Variants in ZFHX3 observed in about 807,000 individuals in gnomAD.
ZFHX3 encodes the protein zinc finger homeobox 3, also known as zinc finger homeobox protein 3.
Under a neutral mutation model 279.1 loss-of-function variants are expected in ZFHX3, and 42 were observed. The observed-to-expected ratio is 0.15, with a 90% CI of 0.12 to 0.19. The LOEUF (loss-of-function observed/expected upper bound fraction) is 0.19, where lower values mean the gene tolerates loss of function less well. ZFHX3 is among the 10% of genes least tolerant of loss of function. ZFHX3 has a pLI of 1.00. For synonymous variants in ZFHX3, 2,293 were observed against 1,957.8 expected, an observed-to-expected ratio of 1.17 and a Z score of -4.52; for missense variants, 4,981 against 4,754.0, an observed-to-expected ratio of 1.05 and a Z score of -1.40.
At chr16:73,064,769 C>CAGAT (rs1205831583) in intron 8 of ZFHX3, among the ~76,000 whole-genome samples, 1 of 152,168 alleles carries the variant, frequency 6.6e-6, no homozygotes. Flanking sequence ...GGGTTTGAGT[C>CAGAT]AGATTCCCAG....
rs1283232639 is a variant in ZFHX3 at position 73,585,065 on chromosome 16, T to C, written c.-1547+95115A>G. Among the ~76,000 whole-genome samples the C allele has an allele frequency of 2.0e-5, 3 of 152,208 alleles. No individual in the cohort carries two copies. The East Asian group carries it at 5.8e-4, about 29-fold the overall frequency. On this transcript the variant is annotated intron_variant, in intron 2 of 17. Transcript: ENST00000641206. ...AGTCAGAATGGCAATTATTAAAAAG[T>C]CAAGAAACAACAGCTGCTGGTGAGA...
chr16:73,411,145 C>T (rs1251277223), intron 3 of ZFHX3, among the ~76,000 whole-genome samples: 1 of 152,132 alleles, frequency 6.6e-6, no homozygotes, highest in East Asian at 1.9e-4. Flanking sequence ...ACAGAGAATC[C>T]GAAGAGACTG....
chr16:73,888,303 C>T (rs1269201692), intron 1 of ZFHX3, among the ~76,000 whole-genome samples: 1 of 151,562 alleles, frequency 6.6e-6, no homozygotes, highest in African/African-American at 2.4e-5. Context: ...TTTCCCTCCC[C>T]TTCCCCCCAC....
chr16:73,340,247 A>C (rs892689243), intron 3 of ZFHX3, among the ~76,000 whole-genome samples: 3 of 152,362 alleles, frequency 2.0e-5, no homozygotes, highest in Middle Eastern at 3.4e-3. Flanking sequence ...GTGCCTGAAT[A>C]AACAGACCAC....
At chr16:73,603,706 T>C (rs896594568) in intron 2 of ZFHX3, among the ~76,000 whole-genome samples, 17 of 151,682 alleles carry the variant, frequency 1.1e-4, no homozygotes, top group Non-Finnish European at 8.8e-5. Flanking sequence ...TTAATTATTA[T>C]ATCATTATGA....
intron 4 of ZFHX3, among the ~76,000 whole-genome samples, chr16:72,859,618 T>C (rs1401832984): frequency 6.6e-6 from 1 of 152,174 alleles, no homozygotes; most frequent in Non-Finnish European, 1.5e-5. Context: ...TTCATATAAA[T>C]TAGAACAGAA....
chr16:73,287,081 GGTGTGTGGGTAAGTGTGTGGCTGTGTGA>G (rs1369501734), intron 4 of ZFHX3, among the ~76,000 whole-genome samples: 33 of 149,894 alleles, frequency 2.2e-4, no homozygotes, highest in Non-Finnish European at 3.4e-4. Flanking sequence ...TGGCTGTGTG[GGTGTGTGGGTAAGTGTGTGGCTGTGTGA>G]GTGTGGGTCA....
chr16:73,630,510 G>C (rs187074228), intron 2 of ZFHX3, among the ~76,000 whole-genome samples: 1 of 152,308 alleles, frequency 6.6e-6, no homozygotes, highest in African/African-American at 2.4e-5. Flanking sequence ...AGGGAACAGG[G>C]TTTCACGCAA....
chr16:73,404,244 T>C (rs940852556), intron 3 of ZFHX3, among the ~76,000 whole-genome samples: 13 of 152,110 alleles, frequency 8.5e-5, no homozygotes, highest in African/African-American at 3.1e-4. Context: ...CTGTAGCCTC[T>C]GGACAGAGGA....
chr16:73,617,890 T>A (rs914713716), intron 2 of ZFHX3, among the ~76,000 whole-genome samples: 1 of 152,330 alleles, frequency 6.6e-6, no homozygotes, highest in African/African-American at 2.4e-5. Flanking sequence ...GCAGTCCCCC[T>A]TGAGTGTCTT....
intron 1 of ZFHX3, among the ~76,000 whole-genome samples, chr16:73,023,052 AC>A (rs1433711786): frequency 1.3e-5 from 2 of 151,658 alleles, no homozygotes; most frequent in African/African-American, 4.8e-5. Context: ...ACATGGCAAA[AC>A]CCCATCTCTA....
chr16:72,811,781 TG>T lies in ZFHX3; in HGVS notation c.3664-5del. On this transcript the variant is annotated splice_region_variant and splice_polypyrimidine_tract_variant and intron_variant, in intron 6 of 9. Transcript: ENST00000268489. ...TGCAGTAGGGACACTGGTACATCTGTGGGGAACACACCCACTGCTTTGAGCA... is the reference window on the plus strand; with the variant it reads ...TGCAGTAGGGACACTGGTACATCTGTGGGAACACACCCACTGCTTTGAGCA... 6.2e-7 allele frequency: 1 copy of T among 1,612,364 alleles called. No individual in the cohort carries two copies. Among genetic ancestry groups the T allele is most frequent in the South Asian group, 1.1e-5 (1 of 90,872 alleles).
chr16:72,832,177 A>T (rs750618400), intron 4 of ZFHX3, among the ~76,000 whole-genome samples: 24 of 152,328 alleles, frequency 1.6e-4, no homozygotes, highest in Middle Eastern at 6.8e-3. Flanking sequence ...CCAGCACATT[A>T]TACAGCCTGC....
At chr16:73,725,384 T>C (rs1045697388) in intron 1 of ZFHX3, among the ~76,000 whole-genome samples, 4 of 152,144 alleles carry the variant, frequency 2.6e-5, no homozygotes, top group Non-Finnish European at 5.9e-5. Context: ...ACAGTTCCTC[T>C]GCATCCCATG....
rs532451737 is a variant in ZFHX3, at chr16:73,473,351, A to C, written c.-1546-17093T>G. ...GACTGTCTCAAAGCAAAAAAAAAAA[A>C]AAAAAACAAAAAAAAAAAAAACAAA... On this transcript the variant is annotated intron_variant, in intron 2 of 17. Coordinates refer to the ZFHX3 transcript ENST00000641206. 9.4e-4 allele frequency among the ~76,000 whole-genome samples: 46 copies of C among 48,802 alleles called. 1 individual carries two copies. The highest frequency in any genetic ancestry group is 0.011 in the East Asian group (2 of 180). 32.0% of individuals were successfully genotyped at this position (48,802 alleles called of 152,430 possible).
chr16:73,851,885 G>C (rs1200652178), intron 1 of ZFHX3, among the ~76,000 whole-genome samples: 1 of 152,152 alleles, frequency 6.6e-6, no homozygotes, highest in Non-Finnish European at 1.5e-5. Context: ...TGCTCGGACA[G>C]TTTTGATTGT....
intron 2 of ZFHX3, among the ~76,000 whole-genome samples, chr16:73,555,070 CT>C (rs1335984581): frequency 6.6e-6 from 1 of 152,148 alleles, no homozygotes; most frequent in Non-Finnish European, 1.5e-5. Flanking sequence ...AATCTGCTAG[CT>C]TTGGGAGAAT....
intron 2 of ZFHX3, among the ~76,000 whole-genome samples, chr16:73,619,876 T>C (rs566485706): frequency 6.6e-6 from 1 of 152,294 alleles, no homozygotes; most frequent in Admixed American, 6.5e-5. Context: ...TCCATAAACC[T>C]TACTATTGGT....
intron 4 of ZFHX3, among the ~76,000 whole-genome samples, chr16:73,281,149 GAAATCAGT>G (rs2014449394): frequency 6.6e-6 from 1 of 152,088 alleles, no homozygotes. Flanking sequence ...CATAGGAATT[GAAATCAGT>G]ATGATGGAAA....
Sources: gnomAD v4.1 joint callset for allele counts (sites outside exome capture counted in the v4.1 genomes callset) on GRCh38, gnomAD v4.1.1 for gene constraint, MANE v1.5 for transcripts, NCBI Gene and HGNC (gene_info 2026-07-23, HGNC 2026-07-21) for gene names.